CDH7: variants seen among roughly 807,000 people sequenced by gnomAD.
The protein encoded by CDH7 is cadherin-7.
Under a neutral mutation model 71.8 loss-of-function variants are expected in CDH7, and 25 were observed. That is an observed-to-expected ratio of 0.35 (90% confidence interval 0.25 to 0.49). The LOEUF (loss-of-function observed/expected upper bound fraction) is 0.49. Ranked by LOEUF, CDH7 falls within the 20% of genes least tolerant of loss-of-function variation. CDH7 has a pLI of 0.99. For synonymous variants in CDH7, 381 were observed against 363.8 expected (o/e 1.05, Z -0.54); for missense variants, 862 against 974.6 (o/e 0.88, Z 1.54).
intron 11 of CDH7, chr18:65,863,836 G>A (rs1040675053): frequency 3.3e-5 from 5 of 152,158 alleles, no homozygotes; most frequent in Non-Finnish European, 7.4e-5. Flanking sequence ...TAAAAATTGG[G>A]AGATGTCCAA....
chr18:65,830,365 G>A (rs1912292959), intron 6 of CDH7, among the ~76,000 whole-genome samples: 2 of 152,076 alleles, frequency 1.3e-5, no homozygotes, highest in African/African-American at 4.8e-5. Context: ...TAAAATATTT[G>A]CTTATTTCTC....
intron 11 of CDH7, chr18:65,865,499 C>T (rs1171777399): frequency 1.3e-5 from 2 of 152,040 alleles, no homozygotes; most frequent in African/African-American, 4.8e-5. Context: ...TACCGCAAGT[C>T]TTCAAAACCG....
At chr18:65,776,573 A>G (rs1293193013) in intron 2 of CDH7, among the ~76,000 whole-genome samples, 1 of 152,290 alleles carries the variant, frequency 6.6e-6, no homozygotes, top group Admixed American at 6.5e-5. Flanking sequence ...ATGGAACTAG[A>G]TAAATGAGAT....
At position 65,762,775 on chromosome 18, in the gene CDH7, A is replaced by G. The variant is rs1345047199; in HGVS notation, c.-68A>G. 11 of 1,385,520 alleles carry G rather than the reference A, an allele frequency of 7.9e-6. No individual in the cohort carries two copies. The highest frequency in any genetic ancestry group is 1.3e-5 in the South Asian group (1 of 76,650). The allele number at this position is 1,385,520 out of a possible 1,614,324, so 85.8% of individuals were successfully genotyped here. ...GCCGGAGGCAAGAGCTACTAAGCCAACTGGAACTGTGCCTTTTCTCTTGTC... is the reference window on the plus strand; with the variant it reads ...GCCGGAGGCAAGAGCTACTAAGCCAGCTGGAACTGTGCCTTTTCTCTTGTC... On this transcript the variant is annotated 5_prime_UTR_variant, in exon 2 of 12. Transcript: ENST00000397968.
intron 10 of CDH7, 21 bp from the exon 11 acceptor site, chr18:65,862,642 ATAC>A: frequency 6.2e-7 from 1 of 1,609,552 alleles, no homozygotes; most frequent in Non-Finnish European, 8.5e-7. Context: ...ATCTGGTGTT[ATAC>A]ATTTGCTTTC....
intron 2 of CDH7, 92 bp from the exon 3 acceptor site, chr18:65,809,612 T>C: frequency 9.5e-7 from 1 of 1,047,314 alleles, no homozygotes; most frequent in Non-Finnish European, 1.4e-6. Context: ...AAATTTCATG[T>C]ACTCCTGCCT....
Position 65,859,842 on chromosome 18 carries a change from G to T in CDH7, c.1612+17G>T, listed in dbSNP as rs1455942429. 1.5e-6 allele frequency: 2 copies of T among 1,363,722 alleles called. No homozygotes were observed. Among genetic ancestry groups the T allele is most frequent in the Admixed American group, 3.4e-5 (2 of 59,650 alleles). 84.5% of individuals were successfully genotyped at this position (1,363,722 alleles called of 1,614,324 possible). A position where few individuals can be genotyped will look rare whatever the true frequency, so the allele number is the denominator to read the frequency against. The stretch of plus-strand genomic sequence containing the variant: ...ATAACAAAGGTAATGTATTAATATT[G>T]TTACCGATAGAGGCAGCAGGTACAG... On this transcript the variant is annotated intron_variant, in intron 10 of 11. Coordinates refer to ENST00000397968, the MANE Select transcript of CDH7 (RefSeq NM_004361.5).
intron 1 of CDH7, among the ~76,000 whole-genome samples, chr18:65,761,184 C>G (rs553862701): frequency 6.6e-6 from 1 of 152,058 alleles, no homozygotes; most frequent in African/African-American, 2.4e-5. Context: ...CCTTAAATGC[C>G]CTCTGGAATA....
chr18:65,785,388 G>A (rs1001526081), intron 2 of CDH7, among the ~76,000 whole-genome samples: 1 of 152,034 alleles, frequency 6.6e-6, no homozygotes, highest in Non-Finnish European at 1.5e-5. Flanking sequence ...ATACAATTTA[G>A]TAAAAATATG....
chr18:65,870,559 C>G (rs1913898716), intron 11 of CDH7, among the ~76,000 whole-genome samples: 1 of 152,122 alleles, frequency 6.6e-6, no homozygotes, highest in Non-Finnish European at 1.5e-5. Context: ...ACCTGCTTAC[C>G]TCTCTAAGGT....
At chr18:65,848,234 T>C (rs1246237270) in intron 7 of CDH7, among the ~76,000 whole-genome samples, 1 of 152,142 alleles carries the variant, frequency 6.6e-6, no homozygotes, top group East Asian at 1.9e-4. Flanking sequence ...ATTTGACTCA[T>C]TTCTCATGTC....
chr18:65,779,072 T>C (rs1910075227), intron 2 of CDH7, among the ~76,000 whole-genome samples: 1 of 65,210 alleles, frequency 1.5e-5, no homozygotes, highest in Admixed American at 1.3e-4. Context: ...AAATCACTGT[T>C]TGTTTGTTTG....
intron 6 of CDH7, among the ~76,000 whole-genome samples, chr18:65,839,093 G>A (rs987526322): frequency 2.6e-5 from 4 of 152,164 alleles, no homozygotes; most frequent in Admixed American, 2.6e-4. Context: ...TACAGTTGAT[G>A]GATATATATG....
chr18:65,836,110 G>A lies in CDH7; in HGVS notation c.982-7702G>A, dbSNP rs977423187. Among the ~76,000 whole-genome samples the A allele has an allele frequency of 3.9e-5, 6 of 152,252 alleles. No individual in the cohort carries two copies. In the South Asian group the frequency reaches 1.0e-3, roughly 26 times the overall value. ...TTGGACACTGGAACAATTCTTCCCC[G>A]AAGCCTCCAGAAAGAATGAAGCTCT... On this transcript the variant is annotated intron_variant, in intron 6 of 11. Coordinates refer to ENST00000397968, the MANE Select transcript of CDH7 (RefSeq NM_004361.5).
intron 6 of CDH7, among the ~76,000 whole-genome samples, chr18:65,829,624 C>A (rs1206873441): frequency 2.0e-5 from 3 of 152,060 alleles, no homozygotes; most frequent in African/African-American, 7.2e-5. Flanking sequence ...AAACCTCCCC[C>A]TGCCTGTTGA....
chr18:65,833,012 G>A (rs1171911474), intron 6 of CDH7, among the ~76,000 whole-genome samples: 1 of 152,098 alleles, frequency 6.6e-6, no homozygotes, highest in Non-Finnish European at 1.5e-5. Flanking sequence ...TTATTTGGTG[G>A]TCCACTTTGT....
At chr18:65,877,505 A>T (rs1914106445) in intron 11 of CDH7, among the ~76,000 whole-genome samples, 1 of 152,134 alleles carries the variant, frequency 6.6e-6, no homozygotes, top group Admixed American at 6.6e-5. Flanking sequence ...AGACCGCCTA[A>T]TTATTATATA....
intron 6 of CDH7, among the ~76,000 whole-genome samples, chr18:65,843,321 G>A (rs1026065407): frequency 6.6e-6 from 1 of 152,090 alleles, no homozygotes. Context: ...CCTCAGGATG[G>A]CACACTTGCC....
intron 7 of CDH7, 42 bp downstream of exon 7, chr18:65,844,107 A>T: frequency 1.9e-6 from 3 of 1,579,522 alleles, no homozygotes; most frequent in Non-Finnish European, 2.6e-6. Flanking sequence ...TTTACAAACA[A>T]TGCATTCTTG....
Sources: gnomAD v4.1 joint callset for allele counts (sites outside exome capture counted in the v4.1 genomes callset) on GRCh38, gnomAD v4.1.1 for gene constraint, MANE v1.5 for transcripts, NCBI Gene and HGNC (gene_info 2026-07-23, HGNC 2026-07-21) for gene names.